The following BCAS3 variants were observed in gnomAD, a reference collection of about 807,000 sequenced individuals.
The protein encoded by BCAS3 is BCAS3 microtubule associated cell migration factor, also known as BCAS4/BCAS3 fusion.
In BCAS3, 53 loss-of-function variants were observed where a neutral mutation model predicts 116.1. The ratio of observed to expected loss-of-function variants is 0.46; its 90% confidence interval spans 0.37 to 0.57. BCAS3 has a LOEUF of 0.57. Among genes scored for constraint, BCAS3 ranks in the 20% least tolerant of loss-of-function variants. The pLI is 0.00. For synonymous variants in BCAS3, 391 were observed against 408.2 expected (o/e 0.96, Z 0.51); for missense variants, 917 against 1,165.4 (o/e 0.79, Z 3.10).
At chr17:60,726,789 G>A (rs1244042150) in intron 5 of BCAS3, among the ~76,000 whole-genome samples, 5 of 152,080 alleles carry the variant, frequency 3.3e-5, no homozygotes, top group African/African-American at 4.8e-5. Context: ...AATTACAGGC[G>A]TGAGCCACTG....
chr17:60,744,011 A>G (rs556546427), intron 5 of BCAS3, among the ~76,000 whole-genome samples: 3 of 152,214 alleles, frequency 2.0e-5, no homozygotes, highest in South Asian at 2.1e-4. Context: ...CCAAACTGGT[A>G]CGTCCGGTTT....
At position 61,324,260 on chromosome 17, in the gene BCAS3, C is replaced by A. The variant is rs1205743272; in HGVS notation, c.2426-44067C>A. Among the ~76,000 whole-genome samples the A allele has an allele frequency of 2.6e-5, 4 of 152,134 alleles. No homozygotes were observed. The highest frequency in any genetic ancestry group is 4.4e-5 in the Non-Finnish European group (3 of 68,018). On this transcript the variant is annotated intron_variant, in intron 22 of 23. Transcript: ENST00000407086. The surrounding 1 kb of genome is among the most constrained non-coding windows in gnomAD (Gnocchi z 4.6). ...GAATTAGAGGCGGGAGAGACCCTACCTCCTTTATCATACACATTGATGAAA... is the reference window on the plus strand; with the variant it reads ...GAATTAGAGGCGGGAGAGACCCTACATCCTTTATCATACACATTGATGAAA...
At chr17:60,952,277 T>A (rs1567951171) in intron 14 of BCAS3, among the ~76,000 whole-genome samples, 1 of 152,126 alleles carries the variant, frequency 6.6e-6, no homozygotes. Context: ...CAGGCTAAAC[T>A]GGGAAGTCTT....
chr17:60,874,786 C>T (rs2144916249), intron 9 of BCAS3, 48 bp downstream of exon 9: 2 of 1,173,500 alleles, frequency 1.7e-6, no homozygotes, highest in Admixed American at 2.0e-5. Flanking sequence ...GTTTATACTA[C>T]TTACTTGACA....
intron 22 of BCAS3, among the ~76,000 whole-genome samples, chr17:61,334,372 TG>T (rs2056533279): frequency 6.6e-6 from 1 of 152,076 alleles, no homozygotes; most frequent in Admixed American, 6.5e-5. Flanking sequence ...AGAGTTATGT[TG>T]TAAGAATAAT....
In BCAS3 at chr17:61,282,423, G is replaced by A. The variant is rs189472406; in HGVS notation, c.2426-85904G>A. ...GTACCTTTTAAGAGTAGGATGGTTG[G>A]AAAAAGTGGGCAGGACATTTGCATA... On this transcript the variant is annotated intron_variant, in intron 22 of 23. Transcript: ENST00000407086. This position sits in a 1 kb window ranked among gnomAD's most constrained non-coding sequence, Gnocchi z 5.9. Among the ~76,000 whole-genome samples, 1,360 of 152,290 alleles carry A rather than the reference G, an allele frequency of 8.9e-3. 8 individuals carry two copies. Among genetic ancestry groups the A allele is most frequent in the Non-Finnish European group, 0.015 (1,027 of 68,032 alleles).
chr17:61,173,170 C>T (rs1470924914), intron 22 of BCAS3, among the ~76,000 whole-genome samples: 1 of 151,942 alleles, frequency 6.6e-6, no homozygotes, highest in Admixed American at 6.6e-5. Context: ...TGTTTTGAGG[C>T]TGGGCACGGT....
chr17:60,855,100 C>T (rs1305082750), intron 7 of BCAS3, among the ~76,000 whole-genome samples: 1 of 151,676 alleles, frequency 6.6e-6, no homozygotes, highest in Non-Finnish European at 1.5e-5. Flanking sequence ...CAGATGCATG[C>T]CACCACGCCT....
At chr17:61,353,201 T>C (rs980200689) in intron 22 of BCAS3, among the ~76,000 whole-genome samples, 7 of 152,144 alleles carry the variant, frequency 4.6e-5, no homozygotes, top group Admixed American at 1.3e-4. Flanking sequence ...GGCCTCCATT[T>C]CCTTGTGTTT....
intron 13 of BCAS3, among the ~76,000 whole-genome samples, chr17:60,927,009 C>T (rs999463040): frequency 2.0e-5 from 3 of 151,844 alleles, no homozygotes; most frequent in African/African-American, 7.3e-5. Context: ...TATTTGTTTC[C>T]CTTGCTAACT....
chr17:61,252,878 T>A (rs2048471554), intron 22 of BCAS3, among the ~76,000 whole-genome samples: 1 of 102,922 alleles, frequency 9.7e-6, no homozygotes, highest in Non-Finnish European at 1.9e-5. Context: ...TCTGTTCCTA[T>A]ACATTTTTTT....
At chr17:60,771,290 A>G (rs2044678348) in intron 6 of BCAS3, among the ~76,000 whole-genome samples, 1 of 151,530 alleles carries the variant, frequency 6.6e-6, no homozygotes, top group Non-Finnish European at 1.5e-5. Context: ...CAGTGTCATT[A>G]TTATATTTGG....
chr17:61,060,884 C>T (rs1312215653), intron 19 of BCAS3, among the ~76,000 whole-genome samples: 1 of 152,126 alleles, frequency 6.6e-6, no homozygotes, highest in Non-Finnish European at 1.5e-5. Flanking sequence ...ACAGGTGAGG[C>T]AGGGACAGTG....
intron 15 of BCAS3, among the ~76,000 whole-genome samples, chr17:60,999,571 GAA>G (rs201764352): frequency 0.042 from 6,208 of 146,304 alleles, 491 homozygotes; most frequent in African/African-American, 0.15. Context: ...AAAAGAAAAA[GAA>G]AAAGAAATGT....
At chr17:61,272,634 CTCAAAA>C (rs1487543796) in intron 22 of BCAS3, among the ~76,000 whole-genome samples, 1 of 17,714 alleles carries the variant, frequency 5.6e-5, no homozygotes, top group Non-Finnish European at 1.0e-4. Flanking sequence ...GAAACCCTGT[CTCAAAA>C]AAAAAAAAAA....
intron 6 of BCAS3, among the ~76,000 whole-genome samples, chr17:60,776,607 T>C (rs2045311496): frequency 6.6e-6 from 1 of 150,544 alleles, no homozygotes; most frequent in Non-Finnish European, 1.5e-5. Context: ...TAATCCCAGC[T>C]ACTCAGGAGG....
intron 22 of BCAS3, among the ~76,000 whole-genome samples, chr17:61,351,524 A>C (rs140116596): frequency 2.2e-4 from 33 of 152,350 alleles, no homozygotes; most frequent in African/African-American, 6.0e-4. Flanking sequence ...AGCAATAGTA[A>C]CTAGCAGTAT....
At chr17:60,723,686 C>G (rs950161775) in intron 5 of BCAS3, among the ~76,000 whole-genome samples, 4 of 144,094 alleles carry the variant, frequency 2.8e-5, no homozygotes, top group African/African-American at 1.0e-4. Context: ...TACTTTATAG[C>G]TATTGTTACT....
intron 22 of BCAS3, among the ~76,000 whole-genome samples, chr17:61,166,517 C>A (rs4968532): frequency 0.73 from 109,916 of 150,472 alleles, 41,165 homozygotes; most frequent in South Asian, 0.9. Context: ...CTTGCCTCTG[C>A]CTCCCAAGTA....
Sources: allele counts gnomAD v4.1 joint callset (sites outside exome capture counted in the v4.1 genomes callset), GRCh38; gene constraint gnomAD v4.1.1; non-coding constraint Gnocchi (gnomAD v3.1); transcripts MANE v1.5; gene names NCBI Gene and HGNC (gene_info 2026-07-23, HGNC 2026-07-21).